Variants in CDK19 observed in about 807,000 individuals in gnomAD.
The protein encoded by CDK19 is cyclin dependent kinase 19.
Under a neutral mutation model 68.3 loss-of-function variants are expected in CDK19, and 20 were observed. The ratio of observed to expected loss-of-function variants is 0.29; its 90% CI spans 0.21 to 0.43. CDK19 has a LOEUF of 0.43. CDK19 is among the 20% of genes least tolerant of loss of function. The probability of loss-of-function intolerance (pLI) is 1.00; values close to 1 mark genes in which losing one functional copy is unlikely to be tolerated. For synonymous variants in CDK19, 221 were observed against 222.8 expected, an observed-to-expected ratio of 0.99 and a Z score of 0.07; for missense variants, 339 against 623.5, an observed-to-expected ratio of 0.54 and a Z score of 4.86.
At chr6:110,709,591 T>C (rs1461470743) in intron 2 of CDK19, among the ~76,000 whole-genome samples, 2 of 152,138 alleles carry the variant, frequency 1.3e-5, no homozygotes, top group South Asian at 2.1e-4. Context: ...AAATTTATTA[T>C]GTAAATAGCA....
intron 2 of CDK19, among the ~76,000 whole-genome samples, chr6:110,708,516 G>C (rs966784464): frequency 2.0e-5 from 3 of 152,130 alleles, no homozygotes; most frequent in Non-Finnish European, 4.4e-5. Flanking sequence ...TCCAGCCCCA[G>C]CTCCCAGCCT....
intron 5 of CDK19, among the ~76,000 whole-genome samples, chr6:110,632,663 G>A (rs373273663): frequency 1.3e-5 from 2 of 151,304 alleles, no homozygotes; most frequent in Non-Finnish European, 3.0e-5. Flanking sequence ...CCAGGGAGGC[G>A]GAGGCTGCAG....
intron 4 of CDK19, among the ~76,000 whole-genome samples, chr6:110,666,804 A>G (rs1187183878): frequency 4.6e-5 from 7 of 152,182 alleles, no homozygotes; most frequent in Non-Finnish European, 8.8e-5. Flanking sequence ...CTTAAGAACA[A>G]ACAAAAGAAA....
In CDK19 at chr6:110,748,460, T is replaced by A. The variant is rs185750258; in HGVS notation, c.129-2259A>T. Among the ~76,000 whole-genome samples the A allele has an allele frequency of 5.9e-5, 9 of 152,292 alleles. No individual in the cohort carries two copies. In the East Asian group the frequency reaches 1.7e-3, roughly 29 times the overall value. Reference sequence around the variant, plus strand: ...CCTGCTAAAATAAAATACTAAAAAATTTGCAATTTTAAGATTTATTTGCAA... The same window carrying A: ...CCTGCTAAAATAAAATACTAAAAAAATTGCAATTTTAAGATTTATTTGCAA... On this transcript the variant is annotated intron_variant, in intron 1 of 12. Coordinates refer to ENST00000368911, the MANE Select transcript of CDK19 (RefSeq NM_015076.5).
At chr6:110,726,751 C>T (rs1176953363) in intron 2 of CDK19, among the ~76,000 whole-genome samples, 1 of 152,096 alleles carries the variant, frequency 6.6e-6, no homozygotes, top group Non-Finnish European at 1.5e-5. Context: ...AGACTCCAGA[C>T]TTTACAAAGG....
At chr6:110,747,664 T>C (rs907302697) in intron 1 of CDK19, among the ~76,000 whole-genome samples, 5 of 152,198 alleles carry the variant, frequency 3.3e-5, no homozygotes, top group African/African-American at 1.2e-4. Flanking sequence ...CCAAAATAAA[T>C]TGATACTCTG....
intron 2 of CDK19, among the ~76,000 whole-genome samples, chr6:110,731,390 A>G (rs1286746371): frequency 5.3e-5 from 8 of 152,178 alleles, no homozygotes; most frequent in Admixed American, 5.2e-4. Context: ...AAATCCATAG[A>G]GGCAGAAAGT....
chr6:110,715,637 C>A (rs1775330414), intron 2 of CDK19, among the ~76,000 whole-genome samples: 1 of 152,142 alleles, frequency 6.6e-6, no homozygotes, highest in African/African-American at 2.4e-5. Context: ...CAGGCGTGCG[C>A]CACACACCTG....
chr6:110,670,159 C>T (rs752559408), intron 3 of CDK19, among the ~76,000 whole-genome samples: 65 of 150,854 alleles, frequency 4.3e-4, no homozygotes, highest in Admixed American at 2.9e-3. Context: ...CTCCCTTCCC[C>T]GTTCGTCTCC....
At chr6:110,795,290 TA>T (rs1208161379) in intron 1 of CDK19, among the ~76,000 whole-genome samples, 3 of 152,176 alleles carry the variant, frequency 2.0e-5, no homozygotes, top group Admixed American at 6.5e-5. Flanking sequence ...TGCTTTTTAG[TA>T]AGTCAAAAAT....
intron 3 of CDK19, among the ~76,000 whole-genome samples, chr6:110,668,651 G>A (rs778242685): frequency 2.0e-5 from 3 of 152,022 alleles, no homozygotes; most frequent in Admixed American, 1.3e-4. Flanking sequence ...TGACCAACAC[G>A]GTGAAACCCC....
intron 1 of CDK19, among the ~76,000 whole-genome samples, chr6:110,802,070 T>A (rs1158350622): frequency 6.6e-6 from 1 of 152,210 alleles, no homozygotes; most frequent in African/African-American, 2.4e-5. Flanking sequence ...GGAATGCTTA[T>A]ATACAGTTGG....
At chr6:110,802,390 C>T (rs1583137321) in intron 1 of CDK19, among the ~76,000 whole-genome samples, 1 of 151,934 alleles carries the variant, frequency 6.6e-6, no homozygotes, top group Non-Finnish European at 1.5e-5. Flanking sequence ...ATGGGTTGGG[C>T]TGGAGGCCAT....
chr6:110,737,736 A>G (rs534124030), intron 2 of CDK19, among the ~76,000 whole-genome samples: 76 of 152,344 alleles, frequency 5.0e-4, no homozygotes, highest in Middle Eastern at 3.4e-3. Context: ...ATTTTTAAGT[A>G]TAGGAGTTGG....
chr6:110,655,314 C>A (rs527639852), intron 4 of CDK19, among the ~76,000 whole-genome samples: 7 of 151,124 alleles, frequency 4.6e-5, no homozygotes, highest in Admixed American at 3.3e-4. Flanking sequence ...TGTGGTGAGC[C>A]GAGATCGCGC....
At chr6:110,654,871 G>A (rs975031357) in intron 4 of CDK19, among the ~76,000 whole-genome samples, 1 of 151,846 alleles carries the variant, frequency 6.6e-6, no homozygotes, top group Admixed American at 6.6e-5. Context: ...AACCCGGGAG[G>A]TGGAGGTTAT....
intron 2 of CDK19, among the ~76,000 whole-genome samples, chr6:110,685,137 C>CA (rs1430231478): frequency 6.0e-5 from 9 of 150,238 alleles, no homozygotes; most frequent in African/African-American, 9.8e-5. Context: ...AACTCTGTCT[C>CA]AAAAAAAAAG....
chr6:110,746,414 C>T (rs1355841006), intron 1 of CDK19, among the ~76,000 whole-genome samples: 2 of 151,998 alleles, frequency 1.3e-5, no homozygotes, highest in African/African-American at 2.4e-5. Context: ...TCAGACACAG[C>T]GAAAACACAA....
At chr6:110,731,704 C>G (rs1393756120) in intron 2 of CDK19, among the ~76,000 whole-genome samples, 1 of 152,122 alleles carries the variant, frequency 6.6e-6, no homozygotes, top group Non-Finnish European at 1.5e-5. Flanking sequence ...ACATGACTGG[C>G]CATTAAAATT....
Sources: gnomAD v4.1 joint callset for allele counts (sites outside exome capture counted in the v4.1 genomes callset) on GRCh38, gnomAD v4.1.1 for gene constraint, MANE v1.5 for transcripts, NCBI Gene and HGNC (gene_info 2026-07-23, HGNC 2026-07-21) for gene names.